Variants in MCC observed in about 807,000 individuals in gnomAD.
MCC encodes colorectal mutant cancer protein.
MCC carries 90 observed loss-of-function variants against 116.2 expected under a neutral mutation model. That is an observed-to-expected ratio of 0.77 (90% CI 0.65 to 0.92). The LOEUF (loss-of-function observed/expected upper bound fraction) is 0.92, where lower values mean the gene tolerates loss of function less well. Among genes scored for constraint, MCC ranks in the 40% least tolerant of loss-of-function variants. The pLI is 0.00. For synonymous variants in MCC, 578 were observed against 510.5 expected (o/e 1.13, Z -1.78); for missense variants, 1,516 against 1,312.2 (o/e 1.16, Z -2.40).
At chr5:113,341,207 T>A (rs35366118) in intron 2 of MCC, among the ~76,000 whole-genome samples, 2 of 152,174 alleles carry the variant, frequency 1.3e-5, no homozygotes, top group South Asian at 4.2e-4. Context: ...TTCCTCTCTG[T>A]CTCTCTTTCT....
At chr5:113,477,895 A>T (rs1258413236) in intron 1 of MCC, among the ~76,000 whole-genome samples, 1 of 152,246 alleles carries the variant, frequency 6.6e-6, no homozygotes, top group Non-Finnish European at 1.5e-5. Context: ...AATTAAATGT[A>T]ACTAGGCTTG....
intron 3 of MCC, among the ~76,000 whole-genome samples, chr5:113,278,558 C>T (rs1765916117): frequency 6.6e-6 from 1 of 152,138 alleles, no homozygotes. Context: ...AAACTAAGTC[C>T]TATATGATGA....
chr5:113,255,879 AG>A (rs1409955639), intron 3 of MCC, among the ~76,000 whole-genome samples: 19 of 152,212 alleles, frequency 1.2e-4, no homozygotes, highest in African/African-American at 4.6e-4. Context: ...ATGCAAGCAC[AG>A]CAAAGGGAGT....
rs572169426 is a variant in MCC, at chr5:113,197,458, C to T, written c.628-46036G>A. 2.6e-4 allele frequency among the ~76,000 whole-genome samples: 40 copies of T among 152,258 alleles called. 1 individual carries two copies. In the South Asian group the frequency reaches 5.6e-3, roughly 21 times the overall value. On this transcript the variant is annotated intron_variant, in intron 3 of 18. Coordinates refer to ENST00000408903, the MANE Select transcript of MCC (RefSeq NM_001085377.2). ...ACAACTCTGAACACACTAAAAACCA[C>T]TGGATTGTACATTTGAAGAGGGTGA... is the stretch of plus-strand genomic sequence containing the variant.
At chr5:113,262,957 T>C (rs1220973339) in intron 3 of MCC, among the ~76,000 whole-genome samples, 2 of 152,080 alleles carry the variant, frequency 1.3e-5, no homozygotes, top group Admixed American at 6.5e-5. Context: ...AACGAGGCCA[T>C]CAAATTCATA....
chr5:113,254,752 C>T (rs550921200), intron 3 of MCC, among the ~76,000 whole-genome samples: 1 of 152,186 alleles, frequency 6.6e-6, no homozygotes, highest in East Asian at 1.9e-4. Flanking sequence ...GTATTGGAGC[C>T]TCTGGATCCA....
chr5:113,477,833 T>C (rs1772275066), intron 1 of MCC, among the ~76,000 whole-genome samples: 2 of 152,052 alleles, frequency 1.3e-5, no homozygotes, highest in Non-Finnish European at 2.9e-5. Flanking sequence ...CAACAAAGTA[T>C]AGGAAAACAA....
intron 3 of MCC, among the ~76,000 whole-genome samples, chr5:113,239,796 A>C (rs1764293740): frequency 6.6e-6 from 1 of 152,218 alleles, no homozygotes; most frequent in South Asian, 2.1e-4. Flanking sequence ...CCCACGGTGA[A>C]CTGGCAACTC....
intron 3 of MCC, among the ~76,000 whole-genome samples, chr5:113,253,285 T>C (rs1764868596): frequency 6.6e-6 from 1 of 152,164 alleles, no homozygotes; most frequent in Non-Finnish European, 1.5e-5. Flanking sequence ...GCCTGCAGGA[T>C]GGTAGCTTAG....
At chr5:113,070,393 G>C (rs868020485) in intron 12 of MCC, among the ~76,000 whole-genome samples, 24 of 151,710 alleles carry the variant, frequency 1.6e-4, no homozygotes, top group African/African-American at 5.8e-4. Context: ...AAAGTGATGA[G>C]GCAGAAAAAA....
At chr5:113,252,418 T>C (rs1413337421) in intron 3 of MCC, among the ~76,000 whole-genome samples, 1 of 152,202 alleles carries the variant, frequency 6.6e-6, no homozygotes, top group Non-Finnish European at 1.5e-5. Context: ...TGAACTCTAT[T>C]GTAAACTGAG....
chr5:113,416,360 A>G (rs886499808), intron 1 of MCC, among the ~76,000 whole-genome samples: 1 of 152,142 alleles, frequency 6.6e-6, no homozygotes, highest in Non-Finnish European at 1.5e-5. Context: ...TTGAGGTTGT[A>G]GTGTGCTATG....
Position 113,028,945 on chromosome 5 carries a change from C to T in MCC, c.2868G>A (p.Lys956=), listed in dbSNP as rs778086546. ...AGGGAGATTTTTACCTGTTGGCCCG[C>T]TTTAGATCATTCACGAACTCTGCAG... The part of the protein sequence containing the change: ...QQSAEFVNDL[K]RANSNLVAAY... Residue 956 remains lysine, a synonymous_variant, in exon 18 of 19, where the codon AAG becomes AAA. Transcript: ENST00000408903. The T allele has an allele frequency of 4.3e-6, 7 of 1,613,740 alleles. No homozygotes were observed. Among genetic ancestry groups the T allele is most frequent in the South Asian group, 1.1e-5 (1 of 91,014 alleles).
intron 2 of MCC, among the ~76,000 whole-genome samples, chr5:113,360,190 G>A (rs369711745): frequency 7.9e-6 from 1 of 126,698 alleles, no homozygotes; most frequent in Non-Finnish European, 1.6e-5. Flanking sequence ...TACACCAAGG[G>A]GAATAAAAAA....
At chr5:113,321,687 CCTT>C (rs919973409) in intron 3 of MCC, among the ~76,000 whole-genome samples, 11 of 152,188 alleles carry the variant, frequency 7.2e-5, no homozygotes, top group Non-Finnish European at 1.5e-4. Context: ...AGTTCACAAG[CCTT>C]CTTCAAATGC....
At position 113,269,218 on chromosome 5, in the gene MCC, C is replaced by T. The variant is rs1430625740; in HGVS notation, c.627+71301G>A. On this transcript the variant is annotated intron_variant, in intron 3 of 18. Transcript: ENST00000408903. ...CAAGTTCCCTCCCTGGCGTCAGGGC[C>T]CCGCAATCTCTCTCCAGGTGGGGAC... is the stretch of plus-strand genomic sequence containing the variant. The T allele has an allele frequency of 1.2e-5, 12 of 985,232 alleles. No individual in the cohort carries two copies. The South Asian group carries it at 5.6e-4, about 46-fold the overall frequency. The allele number at this position is 985,232 out of a possible 1,614,324, so 61.0% of individuals were successfully genotyped here.
intron 5 of MCC, among the ~76,000 whole-genome samples, chr5:113,140,466 G>T (rs760869334): frequency 7.2e-5 from 11 of 152,084 alleles, no homozygotes; most frequent in Non-Finnish European, 1.3e-4. Flanking sequence ...GATCTGACGT[G>T]GCCATGAATT....
chr5:113,418,664 C>A (rs1413938753), intron 1 of MCC, among the ~76,000 whole-genome samples: 1 of 150,620 alleles, frequency 6.6e-6, no homozygotes, highest in Non-Finnish European at 1.5e-5. Context: ...AAGCACCTAA[C>A]AAGTGGCAAA....
intron 2 of MCC, among the ~76,000 whole-genome samples, chr5:113,360,453 T>C (rs1019098095): frequency 5.3e-5 from 8 of 152,320 alleles, no homozygotes; most frequent in Middle Eastern, 3.4e-3. Flanking sequence ...GCCCATAATT[T>C]TTATTCCTAA....
Sources: gnomAD v4.1 joint callset for allele counts (sites outside exome capture counted in the v4.1 genomes callset) on GRCh38, gnomAD v4.1.1 for gene constraint, MANE v1.5 for transcripts, NCBI Gene and HGNC (gene_info 2026-07-23, HGNC 2026-07-21) for gene names.